The following VSIG1 variants were observed in gnomAD, a reference collection of about 807,000 sequenced individuals.
VSIG1 encodes the protein V-set and immunoglobulin domain-containing protein 1.
In VSIG1, 11 loss-of-function variants were observed where a neutral mutation model predicts 20.1. The observed-to-expected ratio is 0.55, with a 90% confidence interval of 0.34 to 0.91. The LOEUF is 0.91. Among genes scored for constraint, VSIG1 ranks in the 40% least tolerant of loss-of-function variants. The pLI is 0.02. For missense variants in VSIG1, 283 were observed against 298.8 expected (o/e 0.95, Z 0.39); for synonymous variants, 126 against 116.7 (o/e 1.08, Z -0.52).
chrX:108,047,790 C>CTATATA (rs780506512), intron 1 of VSIG1, among the ~76,000 whole-genome samples: 7 of 55,653 alleles, frequency 1.3e-4, no homozygotes, highest in African/African-American at 5.7e-4. Context: ...CTCTCTCTCT[C>CTATATA]TATATATATA....
chrX:108,050,581 G>A (rs1569288100), intron 1 of VSIG1, among the ~76,000 whole-genome samples: 2 of 112,532 alleles, frequency 1.8e-5, no homozygotes, highest in South Asian at 3.7e-4. Context: ...ATAGCCCTTT[G>A]GAAAGTGCTC....
chrX:108,034,775 AT>A, the VSIG1 span, among the ~76,000 whole-genome samples: 1 of 111,970 alleles, frequency 8.9e-6, no homozygotes, highest in Non-Finnish European at 1.9e-5. Flanking sequence ...AAATTAAATA[AT>A]TTGCCTAAGG....
At chrX:108,023,962 A>C in the VSIG1 span, among the ~76,000 whole-genome samples, 1 of 111,510 alleles carries the variant, frequency 9.0e-6, no homozygotes, top group South Asian at 3.8e-4. Context: ...GGGCAGGGGA[A>C]ATGTGGCTTG....
chrX:108,034,234 C>G, the VSIG1 span, among the ~76,000 whole-genome samples: 2 of 111,341 alleles, frequency 1.8e-5, no homozygotes, highest in Middle Eastern at 8.4e-3. Context: ...AGGATGGATG[C>G]GTTCTCTTGA....
chrX:108,043,211 T>A (rs1033905347), upstream of VSIG1, among the ~76,000 whole-genome samples: 2 of 112,073 alleles, frequency 1.8e-5, no homozygotes, highest in African/African-American at 6.5e-5. Context: ...CTGCTGTTCC[T>A]CCTCACCCTC....
the VSIG1 span, among the ~76,000 whole-genome samples, chrX:108,033,799 A>G: frequency 9.1e-6 from 1 of 110,433 alleles, no homozygotes; most frequent in Admixed American, 9.7e-5. Context: ...TCCAGACCAC[A>G]AAGAGCCAGG....
At position 108,058,072 on chromosome X, in the gene VSIG1, C is replaced by A. The variant is rs150623591; in HGVS notation, c.84C>A (p.Asp28Glu). 1.7e-6 allele frequency: 2 copies of A among 1,210,307 alleles called. No homozygotes were observed. Residue 28 changes from aspartate to glutamate, a missense_variant, in exon 2 of 7, where the codon GAC becomes GAA. By Grantham distance (45) the Asp-to-Glu change is conservative. Transcript: ENST00000217957. ...GTGTGGTGCAAGTGACCATCCCAGACGGTTTCGTGAACGTGACTGTTGGAT... is the reference window on the plus strand; with the variant it reads ...GTGTGGTGCAAGTGACCATCCCAGAAGGTTTCGTGAACGTGACTGTTGGAT... Reference protein sequence around the residue: ...QVSVVQVTIPDGFVNVTVGSN... With the variant: ...QVSVVQVTIPEGFVNVTVGSN...
At chrX:108,070,138 C>A (rs777356658) in intron 3 of VSIG1, among the ~76,000 whole-genome samples, 28 of 112,750 alleles carry the variant, frequency 2.5e-4, no homozygotes, top group Non-Finnish European at 4.3e-4. Context: ...TGAGCATCAT[C>A]TACCTTCCGC....
At chrX:108,052,397 G>A (rs1052291993) in intron 1 of VSIG1, among the ~76,000 whole-genome samples, 3 of 111,339 alleles carry the variant, frequency 2.7e-5, no homozygotes, top group African/African-American at 9.8e-5. Context: ...TCAGGATTTC[G>A]AGAAGAGCCT....
At position 108,078,885 on chromosome X, in the gene VSIG1, T is replaced by G. The variant is rs1045613770; in HGVS notation, c.*1504T>G. 1 of 112,012 alleles carries G rather than the reference T, an allele frequency of 8.9e-6. No homozygotes were observed. The highest frequency in any genetic ancestry group is 3.2e-5 in the African/African-American group (1 of 30,786). The allele number at this position is 112,012 out of a possible 1,213,427, so 9.2% of individuals were successfully genotyped here. ...GTTTTACTGCCTGTACATTCCACAT[T>G]AATAAAGCGATACCAATCTTATATG... On this transcript the variant is annotated 3_prime_UTR_variant, in exon 7 of 7. Coordinates refer to ENST00000217957, the MANE Select transcript of VSIG1 (RefSeq NM_182607.5).
the VSIG1 span, among the ~76,000 whole-genome samples, chrX:108,032,907 G>C: frequency 9.0e-6 from 1 of 110,813 alleles, no homozygotes; most frequent in Non-Finnish European, 1.9e-5. Flanking sequence ...GGGGTGAGTG[G>C]TGGCAGTTCC....
At chrX:108,024,825 T>G in the VSIG1 span, among the ~76,000 whole-genome samples, 1 of 111,822 alleles carries the variant, frequency 8.9e-6, no homozygotes, top group Non-Finnish European at 1.9e-5. Context: ...TTAATGTGAT[T>G]TTAATCTTTT....
chrX:108,058,323 A>T (rs2030952340), intron 2 of VSIG1, 122 bp downstream of exon 2: 2 of 726,950 alleles, frequency 2.8e-6, no homozygotes, highest in Admixed American at 3.7e-5. Flanking sequence ...GGAATCTCAG[A>T]TACAAAAAGT....
the VSIG1 span, among the ~76,000 whole-genome samples, chrX:108,036,509 G>A: frequency 9.0e-6 from 1 of 111,601 alleles, no homozygotes; most frequent in Non-Finnish European, 1.9e-5. Flanking sequence ...AGTTAACATA[G>A]AGTTCCTGGT....
At chrX:108,047,065 A>G (rs1326480511) in intron 1 of VSIG1, among the ~76,000 whole-genome samples, 1 of 111,566 alleles carries the variant, frequency 9.0e-6, no homozygotes, top group Non-Finnish European at 1.9e-5. Context: ...AGTGTTCATC[A>G]GTTGATCTGG....
At chrX:108,075,605 C>T (rs747573203) in intron 5 of VSIG1, among the ~76,000 whole-genome samples, 1 of 110,891 alleles carries the variant, frequency 9.0e-6, no homozygotes, top group Non-Finnish European at 1.9e-5. Flanking sequence ...GTCCATAGAC[C>T]GAGACAATAA....
In VSIG1 at chrX:108,077,108, C is replaced by A. The variant is rs770099673; in HGVS notation, c.891C>A (p.Thr297=). 9.1e-6 allele frequency: 11 copies of A among 1,210,180 alleles called. No individual in the cohort carries two copies. The African/African-American group carries it at 1.9e-4, about 21-fold the overall frequency. Residue 297 remains threonine, a synonymous_variant, in exon 7 of 7, where the codon ACC becomes ACA. Coordinates refer to ENST00000217957, the MANE Select transcript of VSIG1 (RefSeq NM_182607.5). The part of the protein sequence containing the change: ...ESEAMPREDA[T]QLEVTLPSSI... ...AAGCAATGCCAAGAGAAGACGCTAC[C>A]CAACTAGAAGTAACTCTACCATCTT... is the stretch of plus-strand genomic sequence containing the variant.
chrX:108,057,568 T>C (rs1042261510), intron 1 of VSIG1, among the ~76,000 whole-genome samples: 1 of 111,867 alleles, frequency 8.9e-6, no homozygotes, highest in African/African-American at 3.2e-5. Context: ...TACAAATATA[T>C]AAATAAAAAT....
chrX:108,073,183 T>C, intron 4 of VSIG1, 67 bp from the exon 5 acceptor site: 1 of 1,146,328 alleles, frequency 8.7e-7, no homozygotes, highest in Admixed American at 2.3e-5. Flanking sequence ...CATTGAGTGA[T>C]CTGTTACACT....
Sources: gnomAD v4.1 joint callset for allele counts (sites outside exome capture counted in the v4.1 genomes callset) on GRCh38, gnomAD v4.1.1 for gene constraint, MANE v1.5 for transcripts, NCBI Gene and HGNC (gene_info 2026-07-23, HGNC 2026-07-21) for gene names.